KCNJ4: variants seen among roughly 807,000 people sequenced by gnomAD.
KCNJ4 encodes potassium inwardly rectifying channel subfamily J member 4.
A neutral mutation model predicts 25.6 loss-of-function variants in KCNJ4; 3 were observed. That is an observed-to-expected ratio of 0.12 (90% CI 0.05 to 0.30). The LOEUF (loss-of-function observed/expected upper bound fraction) is 0.30, where lower values mean the gene tolerates loss of function less well. Ranked by LOEUF, KCNJ4 falls within the 10% of genes least tolerant of loss-of-function variation. The pLI, the probability that KCNJ4 is intolerant of heterozygous loss-of-function variation, is 1.00. For missense variants in KCNJ4, 286 were observed against 666.8 expected, an observed-to-expected ratio of 0.43 and a Z score of 6.29; for synonymous variants, 257 against 283.9, an observed-to-expected ratio of 0.91 and a Z score of 0.95.
intron 1 of KCNJ4, among the ~76,000 whole-genome samples, chr22:38,451,175 C>T (rs1392121646): frequency 1.3e-5 from 2 of 152,188 alleles, no homozygotes. Context: ...CTTCCCAGCT[C>T]CTCTTTGGGA....
At chr22:38,428,244 C>T (rs2093039161) in intron 1 of KCNJ4, 73 bp from the exon 2 acceptor site, 1 of 1,347,832 alleles carries the variant, frequency 7.4e-7, no homozygotes, top group Non-Finnish European at 1.0e-6. Flanking sequence ...AGACTCAGCC[C>T]CAAGACTCTC....
At chr22:38,452,842 C>T (rs901748623) in intron 1 of KCNJ4, among the ~76,000 whole-genome samples, 2 of 151,938 alleles carry the variant, frequency 1.3e-5, no homozygotes, top group African/African-American at 2.4e-5. Flanking sequence ...GGCTTCTCCC[C>T]GGACCCCTTG....
intron 1 of KCNJ4, among the ~76,000 whole-genome samples, chr22:38,431,489 C>A (rs1430161173): frequency 6.6e-6 from 1 of 152,228 alleles, no homozygotes; most frequent in African/African-American, 2.4e-5. Context: ...CACCCCGGTG[C>A]CTCCCCGACA....
At chr22:38,437,940 T>C in intron 1 of KCNJ4, among the ~76,000 whole-genome samples, 1 of 151,988 alleles carries the variant, frequency 6.6e-6, no homozygotes, top group East Asian at 1.9e-4. Context: ...CTGTCTCTAC[T>C]AAAACTACAA....
Position 38,426,975 on chromosome 22 carries a change from C to T in KCNJ4, c.1158G>A (p.Glu386=), listed in dbSNP as rs745885312. The part of the protein sequence containing the change: ...ELALMSQEEE[E]MEEEAAAAAA... ...CCGCCGCAGCTGCCTCCTCCTCCAT[C>T]TCCTCTTCCTCCTGGCTCATAAGGG... Residue 386 remains glutamate (E), a synonymous_variant, in exon 2 of 2, where the codon GAG becomes GAA. Transcript: ENST00000303592. 12 of 1,612,802 alleles carry T rather than the reference C, an allele frequency of 7.4e-6. No homozygotes were observed. The East Asian group carries it at 2.7e-4, about 36-fold the overall frequency.
In KCNJ4 at chr22:38,427,845, C is replaced by T. The variant is rs764694400; in HGVS notation, c.288G>A (p.Ala96=). ...DLEASPGVPA[A]GGPAAGGGGA... ...CGCCACCACCCGCCGCCGGGCCCCC[C>T]GCCGCAGGCACCCCTGGGCTGGCCT... is the stretch of plus-strand genomic sequence containing the variant. The change falls in exon 2 of 2, where the codon GCG becomes GCA. Residue 96 remains alanine (A), a synonymous_variant. Transcript: ENST00000303592. 8.4e-5 allele frequency: 136 copies of T among 1,609,856 alleles called. No homozygotes were observed. Among genetic ancestry groups the T allele is most frequent in the African/African-American group, 2.4e-4 (18 of 74,826 alleles).
intron 1 of KCNJ4, among the ~76,000 whole-genome samples, chr22:38,433,773 C>T (rs1221271706): frequency 6.6e-6 from 1 of 152,188 alleles, no homozygotes; most frequent in Non-Finnish European, 1.5e-5. Flanking sequence ...GCTCAGGCCT[C>T]ACCACTGACA....
At position 38,432,285 on chromosome 22, in the gene KCNJ4, A is replaced by T. The variant is rs563357749; in HGVS notation, c.-39-4114T>A. ...TAAATAAATAAATAAATAAATAAAT[A>T]AAATAAAATAAAATAAAATAAAAAA... On this transcript the variant is annotated intron_variant, in intron 1 of 1. Transcript: ENST00000303592. 1.3e-4 allele frequency among the ~76,000 whole-genome samples: 16 copies of T among 120,894 alleles called. No individual in the cohort carries two copies. In the South Asian group the frequency reaches 2.2e-3, roughly 17 times the overall value. The allele number at this position is 120,894 out of a possible 152,430, so 79.3% of individuals were successfully genotyped here.
At chr22:38,452,129 T>C (rs951988319) in intron 1 of KCNJ4, among the ~76,000 whole-genome samples, 2 of 152,130 alleles carry the variant, frequency 1.3e-5, no homozygotes, top group Non-Finnish European at 2.9e-5. Context: ...AGAGGGTGAT[T>C]TGAAATCCAG....
At chr22:38,452,408 C>T (rs938992941) in intron 1 of KCNJ4, among the ~76,000 whole-genome samples, 1 of 152,162 alleles carries the variant, frequency 6.6e-6, no homozygotes, top group Non-Finnish European at 1.5e-5. Context: ...CTGGAGCCCA[C>T]GTCCTGCCTC....
Position 38,449,288 on chromosome 22 carries a change from C to A in KCNJ4, c.-40+5692G>T, listed in dbSNP as rs1446486903. 6.6e-6 allele frequency among the ~76,000 whole-genome samples: 1 copy of A among 152,198 alleles called. No individual in the cohort carries two copies. Among genetic ancestry groups the A allele is most frequent in the Non-Finnish European group, 1.5e-5 (1 of 68,024 alleles). On this transcript the variant is annotated intron_variant, in intron 1 of 1. Transcript: ENST00000303592. The surrounding 1 kb of genome is among the most constrained non-coding windows in gnomAD (Gnocchi z 5.2). ...GCACAGTAGGACAAAGCATCTGTGG[C>A]TGTTTCCACCCAGGAGCCTGGAACC...
At chr22:38,430,333 T>C (rs1482789147) in intron 1 of KCNJ4, among the ~76,000 whole-genome samples, 1 of 152,070 alleles carries the variant, frequency 6.6e-6, no homozygotes, top group Non-Finnish European at 1.5e-5. Context: ...AGAAACCCCG[T>C]CTCTACTGAA....
At chr22:38,440,200 A>T (rs1481067464) in intron 1 of KCNJ4, among the ~76,000 whole-genome samples, 1 of 152,140 alleles carries the variant, frequency 6.6e-6, no homozygotes, top group Non-Finnish European at 1.5e-5. Context: ...GCCTGAGCCC[A>T]GGAGTTTCAG....
chr22:38,446,975 C>A (rs2089379157), intron 1 of KCNJ4, among the ~76,000 whole-genome samples: 134 of 149,296 alleles, frequency 9.0e-4, no homozygotes, highest in African/African-American at 3.0e-3. Flanking sequence ...AAAAAAGAAA[C>A]AGAGGCAAAC....
At chr22:38,428,925 A>T (rs1464501752) in intron 1 of KCNJ4, among the ~76,000 whole-genome samples, 1 of 151,836 alleles carries the variant, frequency 6.6e-6, no homozygotes, top group East Asian at 1.9e-4. Flanking sequence ...CTCTACAAAA[A>T]ATAAGAAAAT....
chr22:38,436,176 T>A (rs1314453644), intron 1 of KCNJ4, among the ~76,000 whole-genome samples: 1 of 152,220 alleles, frequency 6.6e-6, no homozygotes, highest in Non-Finnish European at 1.5e-5. Flanking sequence ...GCAGACTTCC[T>A]AGGACTGTAA....
At position 38,443,932 on chromosome 22, in the gene KCNJ4, C is replaced by T. The variant is rs553470105; in HGVS notation, c.-40+11048G>A. Among the ~76,000 whole-genome samples, 1 of 152,260 alleles carries T rather than the reference C, an allele frequency of 6.6e-6. No individual in the cohort carries two copies. Among genetic ancestry groups the T allele is most frequent in the Admixed American group, 6.5e-5 (1 of 15,296 alleles). The stretch of plus-strand genomic sequence containing the variant: ...TGACTGCACCCCCTCCACTCTCCAA[C>T]CACGGGAAGAGACCTTCCTTCCCGT... On this transcript the variant is annotated intron_variant, in intron 1 of 1. Coordinates refer to ENST00000303592, the MANE Select transcript of KCNJ4 (RefSeq NM_152868.3). This position sits in a 1 kb window ranked among gnomAD's most constrained non-coding sequence, Gnocchi z 4.1.
At chr22:38,428,334 T>C (rs1009341441) in intron 1 of KCNJ4, among the ~76,000 whole-genome samples, 163 bp from the exon 2 acceptor site, 18 of 152,332 alleles carry the variant, frequency 1.2e-4, no homozygotes, top group African/African-American at 4.3e-4. Context: ...GTGGCTCTGA[T>C]GACAGGGTCT....
intron 1 of KCNJ4, among the ~76,000 whole-genome samples, chr22:38,437,971 G>A (rs970031714): frequency 1.3e-5 from 2 of 152,048 alleles, no homozygotes; most frequent in African/African-American, 4.8e-5. Flanking sequence ...AGGCATGGTG[G>A]CTCACGCCTG....
Sources: gnomAD v4.1 joint callset for allele counts (sites outside exome capture counted in the v4.1 genomes callset) on GRCh38, gnomAD v4.1.1 for gene constraint, Gnocchi (gnomAD v3.1) non-coding constraint, MANE v1.5 for transcripts, NCBI Gene and HGNC (gene_info 2026-07-23, HGNC 2026-07-21) for gene names.